Variants in RWDD4 observed in about 807,000 individuals in gnomAD.
The protein encoded by RWDD4 is RWD domain-containing protein 4.
RWDD4 carries 16 observed loss-of-function variants against 30.0 expected under a neutral mutation model. The ratio of observed to expected loss-of-function variants is 0.53; its 90% CI spans 0.36 to 0.81. RWDD4 has a LOEUF of 0.81. RWDD4 is among the 30% of genes least tolerant of loss of function. The probability of loss-of-function intolerance (pLI) is 0.00; values close to 1 mark genes in which losing one functional copy is unlikely to be tolerated. For missense variants in RWDD4, 170 were observed against 223.9 expected (o/e 0.76, Z 1.54); for synonymous variants, 45 against 72.1 (o/e 0.62, Z 1.90).
chr4:183,649,080 A>G (rs1374297491), intron 5 of RWDD4, among the ~76,000 whole-genome samples: 2 of 152,042 alleles, frequency 1.3e-5, no homozygotes, highest in Admixed American at 6.6e-5. Context: ...TATATCCACC[A>G]TATCACACTA....
At position 183,657,839 on chromosome 4, in the gene RWDD4, G is replaced by A. The variant is rs1734236292; in HGVS notation, c.24+1090C>T. 2.0e-5 allele frequency among the ~76,000 whole-genome samples: 3 copies of A among 152,310 alleles called. No individual in the cohort carries two copies. In the South Asian group the frequency reaches 6.2e-4, roughly 32 times the overall value. ...TCAGAACATCGGTCATCTGAAAGAAGAATGAAATTTTCTTGTTAAACTGGA... is the reference window on the plus strand; with the variant it reads ...TCAGAACATCGGTCATCTGAAAGAAAAATGAAATTTTCTTGTTAAACTGGA... On this transcript the variant is annotated intron_variant, in intron 1 of 7. Transcript: ENST00000326397.
In RWDD4 at chr4:183,649,562, T is replaced by C. The variant is rs10015804; in HGVS notation, c.370A>G (p.Ile124Val). 6.6e-6 allele frequency: 10 copies of C among 1,508,462 alleles called. No homozygotes were observed. The highest frequency in any genetic ancestry group is 1.5e-5 in the African/African-American group (1 of 67,246). 93.4% of individuals were successfully genotyped at this position (1,508,462 alleles called of 1,614,324 possible). A position where few individuals can be genotyped will look rare whatever the true frequency, so the allele number is the denominator to read the frequency against. Residue 124 changes from isoleucine to valine, a missense_variant, in exon 5 of 8, where the codon ATA becomes GTA. Physicochemically the swap from Ile to Val is conservative, Grantham distance 29. Transcript: ENST00000326397. The stretch of plus-strand genomic sequence containing the variant: ...GTTTCAATTGAGATGATATTGCTTA[T>C]CGATGTCTAAAAAAAAAAAGAAATA... Reference protein sequence around the residue: ...NHNPINSATSISNIISIETPN... With the variant: ...NHNPINSATSVSNIISIETPN...
At chr4:183,645,875 T>A (rs1333867758) in intron 7 of RWDD4, among the ~76,000 whole-genome samples, 1 of 152,196 alleles carries the variant, frequency 6.6e-6, no homozygotes, top group African/African-American at 2.4e-5. Context: ...CTTGGAGTCA[T>A]ATTTAAGAAT....
rs138477605 is a variant in RWDD4, at chr4:183,650,590, C to T, written c.363+394G>A. Among the ~76,000 whole-genome samples, 424 of 152,224 alleles carry T rather than the reference C, an allele frequency of 2.8e-3. 2 individuals are homozygous for T. The highest frequency in any genetic ancestry group is 9.7e-3 in the African/African-American group (403 of 41,534). On this transcript the variant is annotated intron_variant, in intron 4 of 7. Transcript: ENST00000326397. The stretch of plus-strand genomic sequence containing the variant: ...CATGCTGCAACATCTACACATTGAA[C>T]TGTGGCAAGACTGTTTACAATGAAA...
At chr4:183,643,356 C>T (rs1381443202) in intron 7 of RWDD4, among the ~76,000 whole-genome samples, 5 of 120,460 alleles carry the variant, frequency 4.2e-5, no homozygotes, top group African/African-American at 1.6e-4. Context: ...GCAGAGGTTG[C>T]ACTGACCTGA....
intron 7 of RWDD4, among the ~76,000 whole-genome samples, chr4:183,644,498 C>T (rs1313877860): frequency 3.3e-5 from 5 of 152,172 alleles, no homozygotes; most frequent in South Asian, 2.1e-4. Flanking sequence ...TGGCCAGGGC[C>T]GGGCACTGTG....
chr4:183,650,412 A>G (rs1169631184), intron 4 of RWDD4, among the ~76,000 whole-genome samples: 1 of 152,236 alleles, frequency 6.6e-6, no homozygotes, highest in Non-Finnish European at 1.5e-5. Flanking sequence ...ACAAGACAAC[A>G]CTAAATTATA....
chr4:183,641,320 T>C lies in RWDD4; in HGVS notation c.*116A>G, dbSNP rs1733850640. ...TACAACCTTTTTAATGTAAGAAACA[T>C]ACAAAAAATTGTGTTTTATAAAAAG... On this transcript the variant is annotated 3_prime_UTR_variant, in exon 8 of 8. Coordinates refer to ENST00000326397, the MANE Select transcript of RWDD4 (RefSeq NM_152682.4). The C allele has an allele frequency of 1.6e-5, 13 of 799,084 alleles. No individual in the cohort carries two copies. The highest frequency in any genetic ancestry group is 2.8e-5 in the Non-Finnish European group (13 of 462,694). The allele number at this position is 799,084 out of a possible 1,614,324, so 49.5% of individuals were successfully genotyped here.
chr4:183,641,351 T>A lies in RWDD4; in HGVS notation c.*85A>T. 8.7e-7 allele frequency: 1 copy of A among 1,146,106 alleles called. No homozygotes were observed. The highest frequency in any genetic ancestry group is 1.3e-6 in the Non-Finnish European group (1 of 775,108). The allele number at this position is 1,146,106 out of a possible 1,614,324, so 71.0% of individuals were successfully genotyped here. A position where few individuals can be genotyped will look rare whatever the true frequency, so the allele number is the denominator to read the frequency against. On this transcript the variant is annotated 3_prime_UTR_variant, in exon 8 of 8. Coordinates refer to ENST00000326397, the MANE Select transcript of RWDD4 (RefSeq NM_152682.4). ...AAATTGTGTTTTATAAAAAGTCGCC[T>A]CAATACCAGAAAATAGTAATGAAAG... is the stretch of plus-strand genomic sequence containing the variant.
intron 2 of RWDD4, among the ~76,000 whole-genome samples, chr4:183,653,365 T>TA (rs1318508616): frequency 1.3e-5 from 2 of 151,734 alleles, no homozygotes; most frequent in Non-Finnish European, 2.9e-5. Context: ...GGCCAGGAGT[T>TA]AGAGACCAGC....
intron 1 of RWDD4, 121 bp from the exon 2 acceptor site, chr4:183,656,082 T>C (rs1328593838): frequency 6.2e-6 from 4 of 650,102 alleles, no homozygotes; most frequent in Non-Finnish European, 8.2e-6. Context: ...TATATAACCT[T>C]AGATACTTAC....
chr4:183,644,499 G>A (rs929849565), intron 7 of RWDD4, among the ~76,000 whole-genome samples: 14 of 152,208 alleles, frequency 9.2e-5, no homozygotes, highest in South Asian at 6.2e-4. Flanking sequence ...GGCCAGGGCC[G>A]GGCACTGTGG....
At chr4:183,658,792 T>C (rs753267449) in intron 1 of RWDD4, 137 bp downstream of exon 1, 2 of 699,712 alleles carry the variant, frequency 2.9e-6, no homozygotes, top group Non-Finnish European at 4.0e-6. Context: ...GGGACGCCGG[T>C]GAACTCGGGG....
In RWDD4 at chr4:183,646,261, G is replaced by T. The variant is rs1355675823; in HGVS notation, c.534+90C>A. ...ATACTATATTGTAGTTTTAACTTCT[G>T]CAAATTTTCCATTACTTAAAAAAAA... is the stretch of plus-strand genomic sequence containing the variant. On this transcript the variant is annotated intron_variant, in intron 7 of 7. Transcript: ENST00000326397. The T allele has an allele frequency of 9.5e-6, 7 of 737,192 alleles. No individual in the cohort carries two copies. In the Admixed American group the frequency reaches 1.5e-4, roughly 16 times the overall value. The allele number at this position is 737,192 out of a possible 1,614,324, so 45.7% of individuals were successfully genotyped here.
At chr4:183,645,322 A>G (rs1031511326) in intron 7 of RWDD4, among the ~76,000 whole-genome samples, 8 of 152,246 alleles carry the variant, frequency 5.3e-5, no homozygotes, top group Non-Finnish European at 1.2e-4. Flanking sequence ...GTTAAATATT[A>G]GTGTAACGTA....
At position 183,659,020 on chromosome 4, in the gene RWDD4, G is replaced by A. The variant is rs1182472712; in HGVS notation, c.-68C>T. 1 of 1,180,228 alleles carries A rather than the reference G, an allele frequency of 8.5e-7. No individual in the cohort carries two copies. The highest frequency in any genetic ancestry group is 1.6e-5 in the African/African-American group (1 of 63,826). The allele number at this position is 1,180,228 out of a possible 1,614,324, so 73.1% of individuals were successfully genotyped here. A position where few individuals can be genotyped will look rare whatever the true frequency, so the allele number is the denominator to read the frequency against. ...ACAACGAAGAGAAAGCGAAGGCAGC[G>A]GCCCAGAGGCCGGGCGTCCCCCTTT... On this transcript the variant is annotated 5_prime_UTR_variant, in exon 1 of 8. Transcript: ENST00000326397.
At chr4:183,658,872 G>C (rs973552773) in intron 1 of RWDD4, 57 bp downstream of exon 1, 1 of 1,223,132 alleles carries the variant, frequency 8.2e-7, no homozygotes, top group African/African-American at 1.6e-5. Context: ...TCTCACGGGG[G>C]CCCGGGGCTG....
At chr4:183,647,539 G>A (rs922654507) in intron 5 of RWDD4, among the ~76,000 whole-genome samples, 1 of 152,174 alleles carries the variant, frequency 6.6e-6, no homozygotes, top group Non-Finnish European at 1.5e-5. Context: ...AAAGCTCCAA[G>A]TCACAAACTC....
chr4:183,651,961 T>C (rs951288057), intron 2 of RWDD4, among the ~76,000 whole-genome samples: 1 of 152,228 alleles, frequency 6.6e-6, no homozygotes, highest in Non-Finnish European at 1.5e-5. Context: ...TTCATCTTAT[T>C]CACCAAATAC....
Sources: gnomAD v4.1 joint callset for allele counts (sites outside exome capture counted in the v4.1 genomes callset) on GRCh38, gnomAD v4.1.1 for gene constraint, MANE v1.5 for transcripts, NCBI Gene and HGNC (gene_info 2026-07-23, HGNC 2026-07-21) for gene names.